BAHCC1: variants seen among roughly 807,000 people sequenced by gnomAD.
BAHCC1 encodes BAH domain and coiled-coil containing 1.
Under a neutral mutation model 88.2 loss-of-function variants are expected in BAHCC1, and 43 were observed. That is an observed-to-expected ratio of 0.49 (90% CI 0.38 to 0.63). The LOEUF (loss-of-function observed/expected upper bound fraction) is 0.63. BAHCC1 is among the 20% of genes least tolerant of loss of function. BAHCC1 has a pLI of 0.00. For synonymous variants in BAHCC1, 1,510 were observed against 745.5 expected (o/e 2.03, Z -16.71); for missense variants, 3,023 against 1,654.8 (o/e 1.83, Z -14.34).
chr17:81,455,740 G>A (rs888129291), intron 15 of BAHCC1, among the ~76,000 whole-genome samples: 1 of 152,172 alleles, frequency 6.6e-6, no homozygotes, highest in Non-Finnish European at 1.5e-5. Context: ...GTGTGGCGGG[G>A]GCTCCTCCGG....
chr17:81,455,927 C>T (rs376730734), intron 15 of BAHCC1, among the ~76,000 whole-genome samples: 1 of 152,174 alleles, frequency 6.6e-6, no homozygotes, highest in Non-Finnish European at 1.5e-5. Context: ...AGACGTGGGC[C>T]CCAGCATACT....
Position 81,411,518 on chromosome 17 carries a change from T to TGCCTGCCTTCCTG in BAHCC1, c.178+11601_178+11602insGCCTGCCTTCCTG, listed in dbSNP as rs1567998085. On this transcript the variant is annotated intron_variant, in intron 2 of 27. Coordinates refer to ENST00000675386, the MANE Select transcript of BAHCC1 (RefSeq NM_001377448.1). The surrounding 1 kb of genome is among the most constrained non-coding windows in gnomAD (Gnocchi z 6.2). ...TGCCTGCCTGCCTGCCTGCCTGCCT[T>TGCCTGCCTTCCTG]CCTTCCTTCCTTCCTTCCTTCCTTC... is the stretch of plus-strand genomic sequence containing the variant. 1 of 81,700 alleles carries TGCCTGCCTTCCTG rather than the reference T, an allele frequency of 1.2e-5. No homozygotes were observed. The highest frequency in any genetic ancestry group is 5.3e-4 in the East Asian group (1 of 1,896). 5.1% of individuals were successfully genotyped at this position (81,700 alleles called of 1,614,324 possible).
chr17:81,417,975 C>T (rs2064056818), intron 2 of BAHCC1, among the ~76,000 whole-genome samples: 1 of 152,238 alleles, frequency 6.6e-6, no homozygotes, highest in Non-Finnish European at 1.5e-5. Context: ...TTCTCTGTTA[C>T]TCCTTTCTCC....
At chr17:81,405,054 T>C (rs1457517847) in intron 2 of BAHCC1, among the ~76,000 whole-genome samples, 3 of 150,946 alleles carry the variant, frequency 2.0e-5, no homozygotes, top group Admixed American at 1.3e-4. Context: ...TGTTTTGTTT[T>C]TGTTTTTGTT....
Position 81,447,138 on chromosome 17 carries a change from C to T in BAHCC1, c.3266C>T (p.Thr1089Ile). ...GAGGACCCTGAAACTATGCAAACCA[C>T]CGCCCCGGGGGCCCAGCCTGAGCCC... Reference protein sequence around the residue: ...NLEDPETMQTTAPGAQPEPTR... With the variant: ...NLEDPETMQTIAPGAQPEPTR... The change falls in exon 11 of 28, where the codon ACC (threonine) becomes ATC (isoleucine). Residue 1089 changes from threonine (T) to isoleucine (I), a missense_variant. Thr to Ile is a moderately conservative substitution (Grantham distance 89, BLOSUM62 -1). Coordinates refer to ENST00000675386, the MANE Select transcript of BAHCC1 (RefSeq NM_001377448.1). 1 of 778,936 alleles carries T rather than the reference C, an allele frequency of 1.3e-6. No individual in the cohort carries two copies. The highest frequency in any genetic ancestry group is 2.4e-6 in the Non-Finnish European group (1 of 417,738). The allele number at this position is 778,936 out of a possible 1,614,324, so 48.3% of individuals were successfully genotyped here.
In BAHCC1 at chr17:81,465,165, G is replaced by C. The variant is rs1270705111; in HGVS notation, c.*1348G>C. ...ATAAAACGCAGGCCCTGCCCTTGGG[G>C]AAGGCCCCTTTCTGGGCCCCCTTTT... On this transcript the variant is annotated 3_prime_UTR_variant, in exon 28 of 28. Coordinates refer to ENST00000675386, the MANE Select transcript of BAHCC1 (RefSeq NM_001377448.1). 2 of 152,352 alleles carry C rather than the reference G, an allele frequency of 1.3e-5. No individual in the cohort carries two copies. Among genetic ancestry groups the C allele is most frequent in the African/African-American group, 2.4e-5 (1 of 41,454 alleles). 9.4% of individuals were successfully genotyped at this position (152,352 alleles called of 1,614,324 possible).
chr17:81,461,244 C>A lies in BAHCC1; in HGVS notation c.6581C>A (p.Ala2194Asp). The change falls in exon 26 of 28, where the codon GCC becomes GAC. Residue 2194 changes from alanine to aspartate, a missense_variant. By Grantham distance (126) the Ala-to-Asp change is moderately radical. Transcript: ENST00000675386. ...GCTAAGAAGGCCGAGAGGGTGGAGG[C>A]CGAGAAGGGTGGGCGGCGGCGGGCG... ...LRAKKAERVEAEKGGRRRAGG... is the reference protein window; with the variant it reads ...LRAKKAERVEDEKGGRRRAGG... The A allele has an allele frequency of 1.4e-6, 1 of 708,438 alleles. No homozygotes were observed. The allele number at this position is 708,438 out of a possible 1,614,324, so 43.9% of individuals were successfully genotyped here. A position where few individuals can be genotyped will look rare whatever the true frequency, so the allele number is the denominator to read the frequency against.
chr17:81,425,262 G>C (rs1269876978), intron 2 of BAHCC1, among the ~76,000 whole-genome samples: 1 of 81,558 alleles, frequency 1.2e-5, no homozygotes, highest in African/African-American at 5.0e-5. Context: ...TGATGATGTG[G>C]TTGGGGGTGA....
intron 6 of BAHCC1, 168 bp from the exon 7 acceptor site, chr17:81,444,213 G>A: frequency 1.6e-6 from 1 of 611,340 alleles, no homozygotes; most frequent in South Asian, 1.9e-5. Context: ...GAGCCTCCAG[G>A]TCCCGTTCTC....
At chr17:81,422,811 GC>G in intron 2 of BAHCC1, 1 of 436,976 alleles carries the variant, frequency 2.3e-6, no homozygotes, top group East Asian at 7.9e-5. Context: ...GGAGGAAAAG[GC>G]GGGAGGGACT....
rs199906132 is a variant in BAHCC1, at chr17:81,462,870, G to A, written c.7514G>A (p.Arg2505His). 3.3e-4 allele frequency: 258 copies of A among 784,514 alleles called. No individual in the cohort carries two copies. The highest frequency in any genetic ancestry group is 5.8e-4 in the Non-Finnish European group (244 of 421,572). The allele number at this position is 784,514 out of a possible 1,614,324, so 48.6% of individuals were successfully genotyped here. Residue 2505 changes from arginine to histidine, a missense_variant, in exon 27 of 28, where the codon CGC (arginine) becomes CAC (histidine). Arg to His is a conservative substitution (Grantham distance 29). Transcript: ENST00000675386. ...CGGCCCAACCTCCCCTACATCGGCC[G>A]CATCGAGAGCATGTGGGAGTCGTGG... ...AGRPNLPYIG[R>H]IESMWESWGS...
Position 81,399,155 on chromosome 17 carries a change from G to A in BAHCC1, c.-206-379G>A, listed in dbSNP as rs1277337437. 1.8e-5 allele frequency: 7 copies of A among 399,132 alleles called. No homozygotes were observed. The highest frequency in any genetic ancestry group is 1.1e-4 in the Admixed American group (4 of 36,732). The allele number at this position is 399,132 out of a possible 1,614,324, so 24.7% of individuals were successfully genotyped here. A position where few individuals can be genotyped will look rare whatever the true frequency, so the allele number is the denominator to read the frequency against. ...TGTGTGTGTGTGTGTGTGTGTGTGC[G>A]AGTGTGCGTGATGGCTTCGCAGATT... On this transcript the variant is annotated intron_variant, in intron 1 of 27. Transcript: ENST00000675386. This position sits in a 1 kb window ranked among gnomAD's most constrained non-coding sequence, Gnocchi z 4.5.
At position 81,445,102 on chromosome 17, in the gene BAHCC1, C is replaced by G. The variant is rs1294328727; in HGVS notation, c.2759C>G (p.Pro920Arg). ...ASHMQHPGQLPVYSRPQLLRQ... is the reference protein window; with the variant it reads ...ASHMQHPGQLRVYSRPQLLRQ... ...CACATGCAGCACCCGGGCCAGCTCCCTGTGTACTCGAGGCCGCAGCTCCTC... is the reference window on the plus strand; with the variant it reads ...CACATGCAGCACCCGGGCCAGCTCCGTGTGTACTCGAGGCCGCAGCTCCTC... Residue 920 changes from proline (P) to arginine (R), a missense_variant, in exon 9 of 28, where the codon CCT (proline) becomes CGT (arginine). Physicochemically the swap from Pro to Arg is moderately radical, Grantham distance 103. Transcript: ENST00000675386. The G allele has an allele frequency of 5.2e-6, 4 of 772,636 alleles. No individual in the cohort carries two copies. The highest frequency in any genetic ancestry group is 1.4e-5 in the South Asian group (1 of 73,162). The allele number at this position is 772,636 out of a possible 1,614,324, so 47.9% of individuals were successfully genotyped here.
At position 81,463,921 on chromosome 17, in the gene BAHCC1, G is replaced by C; in HGVS notation, c.*104G>C. 1.5e-6 allele frequency: 1 copy of C among 662,920 alleles called. No homozygotes were observed. The highest frequency in any genetic ancestry group is 1.6e-5 in the South Asian group (1 of 62,368). 41.1% of individuals were successfully genotyped at this position (662,920 alleles called of 1,614,324 possible). ...GAGGCAGCCCCGGCCTCCCAAGGGC[G>C]CATCTGAGCAAATATGCAAAAGCCC... On this transcript the variant is annotated 3_prime_UTR_variant, in exon 28 of 28. Transcript: ENST00000675386.
Position 81,445,564 on chromosome 17 carries a change from T to C in BAHCC1, c.3046T>C (p.Cys1016Arg), listed in dbSNP as rs1219252292. The C allele has an allele frequency of 5.5e-6, 4 of 721,020 alleles. No homozygotes were observed. The highest frequency in any genetic ancestry group is 1.7e-5 in the African/African-American group (1 of 57,216). 44.7% of individuals were successfully genotyped at this position (721,020 alleles called of 1,614,324 possible). Reference sequence around the variant, plus strand: ...CCCACCACCTCGGCCCAGCGCCCCGTGCACTTTAAATGTCTGCCCTGCCAG... The same window carrying C: ...CCCACCACCTCGGCCCAGCGCCCCGCGCACTTTAAATGTCTGCCCTGCCAG... ...PTPPPRPSAP[C>R]TLNVCPASSP... The change falls in exon 10 of 28, where the codon TGC becomes CGC. Residue 1016 changes from cysteine (C) to arginine (R), a missense_variant. Transcript: ENST00000675386.
At position 81,438,367 on chromosome 17, in the gene BAHCC1, T is replaced by C; in HGVS notation, c.359-3T>C. ...TCTGCAACTGGGTCTCTTGCTTCTC[T>C]AGCTCCGGGGTACCCCAGATTTTCG... On this transcript the variant is annotated splice_polypyrimidine_tract_variant and splice_region_variant and intron_variant, in intron 3 of 27. Coordinates refer to ENST00000675386, the MANE Select transcript of BAHCC1 (RefSeq NM_001377448.1). The C allele has an allele frequency of 1.3e-6, 1 of 778,668 alleles. No individual in the cohort carries two copies. Among genetic ancestry groups the C allele is most frequent in the Non-Finnish European group, 2.4e-6 (1 of 417,592 alleles). 48.2% of individuals were successfully genotyped at this position (778,668 alleles called of 1,614,324 possible).
intron 2 of BAHCC1, among the ~76,000 whole-genome samples, chr17:81,423,157 G>A (rs1179396637): frequency 3.6e-5 from 5 of 138,562 alleles, no homozygotes; most frequent in South Asian, 5.1e-4. Context: ...CCCACCCGCC[G>A]CAGAGGCCAG....
intron 1 of BAHCC1, among the ~76,000 whole-genome samples, chr17:81,397,934 C>G (rs553636220): frequency 6.6e-6 from 1 of 152,352 alleles, no homozygotes; most frequent in South Asian, 2.1e-4. Context: ...TCACTTAATA[C>G]ATTATGTTTT....
chr17:81,443,382 C>T lies in BAHCC1; in HGVS notation c.2033C>T (p.Ser678Leu), dbSNP rs782445521. 10 of 774,552 alleles carry T rather than the reference C, an allele frequency of 1.3e-5. No homozygotes were observed. Among genetic ancestry groups the T allele is most frequent in the South Asian group, 8.1e-5 (6 of 73,946 alleles). 48.0% of individuals were successfully genotyped at this position (774,552 alleles called of 1,614,324 possible). Residue 678 changes from serine (S) to leucine (L), a missense_variant, in exon 5 of 28, where the codon TCG (serine) becomes TTG (leucine). Transcript: ENST00000675386. ...CTGTCCTCTAAGGGCCCAGGCCAGT[C>T]GGAGAGGCCGGACTGTGCCCGCAGC... ...KFLSSKGPGQ[S>L]ERPDCARSRE...
Sources: gnomAD v4.1 joint callset for allele counts (sites outside exome capture counted in the v4.1 genomes callset) on GRCh38, gnomAD v4.1.1 for gene constraint, Gnocchi (gnomAD v3.1) non-coding constraint, MANE v1.5 for transcripts, NCBI Gene and HGNC (gene_info 2026-07-23, HGNC 2026-07-21) for gene names.